The following DDB1 variants were observed in gnomAD, a reference collection of about 807,000 sequenced individuals.
DDB1 encodes the protein damage specific DNA binding protein 1, also known as DNA damage-binding protein 1.
A neutral mutation model predicts 133.1 loss-of-function variants in DDB1; 18 were observed. The observed-to-expected ratio is 0.14, with a 90% CI of 0.09 to 0.20. The LOEUF is 0.20. DDB1 is among the 10% of genes least tolerant of loss of function. DDB1 has a pLI of 1.00. For missense variants in DDB1, 828 were observed against 1,459.2 expected (o/e 0.57, Z 7.05); for synonymous variants, 580 against 550.5 (o/e 1.05, Z -0.75).
At chr11:61,321,420 T>C (rs1043764176) in intron 10 of DDB1, 175 bp downstream of exon 10, 9 of 461,196 alleles carry the variant, frequency 2.0e-5, no homozygotes, top group African/African-American at 4.3e-5. Context: ...TTTTTTTTTT[T>C]CTAAAGTTTA....
At position 61,309,938 on chromosome 11, in the gene DDB1, C is replaced by T; in HGVS notation, c.2424G>A (p.Leu808=). 1 of 1,614,204 alleles carries T rather than the reference C, an allele frequency of 6.2e-7. No homozygotes were observed. Among genetic ancestry groups the T allele is most frequent in the Non-Finnish European group, 8.5e-7 (1 of 1,180,042 alleles). The part of the protein sequence containing the change: ...TFEVLHAHQF[L]QNEYALSLVS... ...CCAGACTGAGGGCATATTCATTCTG[C>T]AGAAACTGGTGGGCATGAAGCACTA... The change falls in exon 20 of 27, where the codon CTG becomes CTA. Residue 808 remains leucine (L), a synonymous_variant. Transcript: ENST00000301764.
At chr11:61,321,406 C>CT (rs59592773) in intron 10 of DDB1, 189 bp downstream of exon 10, 16,335 of 323,954 alleles carry the variant, frequency 0.05, no homozygotes, top group Middle Eastern at 0.064. Flanking sequence ...GTAGTATTTT[C>CT]TTTTTTTTTT....
Position 61,309,063 on chromosome 11 carries a change from CAG to C in DDB1, c.2579_2580del (p.Thr860SerfsTer3). 6.2e-7 allele frequency: 1 copy of C among 1,614,176 alleles called. No homozygotes were observed. The highest frequency in any genetic ancestry group is 8.5e-7 in the Non-Finnish European group (1 of 1,180,036). On this transcript the variant is annotated frameshift_variant, in exon 21 of 27. Transcript: ENST00000301764. LOFTEE classifies it high-confidence loss of function. ...VFQYSDGKLQTVAEKEVKGAV... is the reference protein window; with the variant it reads ...VFQYSDGKLQXVAEKEVKGAV... ...GCCCCTTTCACTTCCTTTTCAGCCA[CAG>C]TCTGTAGTTTTCCTGGGGGTGGAAA...
chr11:61,326,336 TA>T, intron 5 of DDB1: 2 of 223,098 alleles, frequency 9.0e-6, no homozygotes, highest in Non-Finnish European at 1.8e-5. Context: ...TTTTTTTTTT[TA>T]AAGAGATGGG....
chr11:61,327,036 T>C (rs1856281324), intron 4 of DDB1, 143 bp from the exon 5 acceptor site: 1 of 646,494 alleles, frequency 1.5e-6, no homozygotes, highest in Non-Finnish European at 2.8e-6. Flanking sequence ...ATCACTATAC[T>C]GACAAGCACT....
intron 10 of DDB1, among the ~76,000 whole-genome samples, chr11:61,320,313 G>T (rs948683988): frequency 6.6e-6 from 1 of 151,524 alleles, no homozygotes; most frequent in African/African-American, 2.4e-5. Flanking sequence ...TGCCTCTCCC[G>T]TCTCAGCCTC....
intron 8 of DDB1, 41 bp downstream of exon 8, chr11:61,322,970 G>C: frequency 6.5e-7 from 1 of 1,529,256 alleles, no homozygotes; most frequent in South Asian, 1.2e-5. Flanking sequence ...AAGAAACAGT[G>C]AGTACAGCAA....
At chr11:61,313,410 C>T (rs1856011533) in intron 16 of DDB1, 89 bp downstream of exon 16, 4 of 1,226,908 alleles carry the variant, frequency 3.3e-6, no homozygotes, top group South Asian at 1.4e-5. Flanking sequence ...ATTTTGACAC[C>T]GGAAAAAGGC....
chr11:61,311,917 A>G (rs754071831), intron 17 of DDB1, 22 bp from the exon 18 acceptor site: 2 of 1,614,014 alleles, frequency 1.2e-6, no homozygotes, highest in Non-Finnish European at 1.7e-6. Flanking sequence ...GTACAGAACA[A>G]CAGTGTCACT....
At chr11:61,300,639 A>G (rs1283571051) in intron 26 of DDB1, among the ~76,000 whole-genome samples, 170 bp downstream of exon 26, 2 of 152,262 alleles carry the variant, frequency 1.3e-5, no homozygotes, top group Non-Finnish European at 2.9e-5. Flanking sequence ...ACGAGCCACA[A>G]CTACAAACAT....
chr11:61,305,108 C>T (rs1373825275), intron 21 of DDB1, among the ~76,000 whole-genome samples: 1 of 152,220 alleles, frequency 6.6e-6, no homozygotes, highest in Non-Finnish European at 1.5e-5. Flanking sequence ...GGCCTCTGCA[C>T]ATCTAGAAAC....
intron 10 of DDB1, among the ~76,000 whole-genome samples, chr11:61,319,098 G>T (rs1418973769): frequency 1.3e-5 from 2 of 152,180 alleles, no homozygotes; most frequent in Admixed American, 1.3e-4. Context: ...CCCAGCTACT[G>T]GGAGGCTGAC....
intron 7 of DDB1, 24 bp downstream of exon 7, chr11:61,323,955 A>G: frequency 6.2e-7 from 1 of 1,613,730 alleles, no homozygotes; most frequent in Non-Finnish European, 8.5e-7. Flanking sequence ...AACATTGTAG[A>G]GGAACAGGGA....
At chr11:61,309,658 AAAG>A in intron 20 of DDB1, 135 bp downstream of exon 20, 2 of 863,326 alleles carry the variant, frequency 2.3e-6, no homozygotes, top group Non-Finnish European at 3.5e-6. Context: ...TCAATCAAAT[AAAG>A]AAGAGAATAG....
At chr11:61,313,370 C>A in intron 16 of DDB1, 129 bp downstream of exon 16, 1 of 863,850 alleles carries the variant, frequency 1.2e-6, no homozygotes. Flanking sequence ...TTTTGAGAAC[C>A]TCTGCACTAT....
In DDB1 at chr11:61,314,410, T is replaced by C. The variant is rs1856031768; in HGVS notation, c.1487A>G (p.Lys496Arg). The change falls in exon 13 of 27, where the codon AAG (lysine) becomes AGG (arginine). Residue 496 changes from lysine (K) to arginine (R), a missense_variant. Transcript: ENST00000301764. ...LVSEWKEPQA[K>R]NISVASCNSS... ...ATTGCAGGAGGCCACACTGATGTTC[T>C]TGGCCTGAGGCTCCTTCCATTCACT... The C allele has an allele frequency of 6.2e-7, 1 of 1,614,126 alleles. No individual in the cohort carries two copies. The highest frequency in any genetic ancestry group is 8.5e-7 in the Non-Finnish European group (1 of 1,180,046).
chr11:61,302,407 G>C, intron 24 of DDB1, 48 bp from the exon 25 acceptor site: 1 of 1,597,786 alleles, frequency 6.3e-7, no homozygotes, highest in Non-Finnish European at 8.6e-7. Flanking sequence ...CAACCCCACA[G>C]CATGTATCCT....
chr11:61,305,951 T>G (rs1393087074), intron 21 of DDB1, among the ~76,000 whole-genome samples: 1 of 152,266 alleles, frequency 6.6e-6, no homozygotes, highest in Non-Finnish European at 1.5e-5. Flanking sequence ...ATTTTTATAC[T>G]GATTACATGT....
intron 5 of DDB1, 48 bp from the exon 6 acceptor site, chr11:61,325,756 C>CA: frequency 6.7e-7 from 1 of 1,488,612 alleles, no homozygotes; most frequent in South Asian, 1.2e-5. Context: ...CTGGGTCTGC[C>CA]AAACCAGGAC....
Sources: allele counts gnomAD v4.1 joint callset (sites outside exome capture counted in the v4.1 genomes callset), GRCh38; gene constraint gnomAD v4.1.1; transcripts MANE v1.5; gene names NCBI Gene and HGNC (gene_info 2026-07-23, HGNC 2026-07-21).